The following BANP variants were observed in gnomAD, a reference collection of about 807,000 sequenced individuals.
BANP encodes the protein BTG3 associated nuclear protein.
In BANP, 11 loss-of-function variants were observed where a neutral mutation model predicts 68.1. That is an observed-to-expected ratio of 0.16 (90% CI 0.10 to 0.27). The LOEUF is 0.27. BANP is among the 10% of genes least tolerant of loss of function. BANP has a pLI of 1.00. For synonymous variants in BANP, 329 were observed against 303.2 expected (o/e 1.09, Z -0.88); for missense variants, 504 against 722.7 (o/e 0.70, Z 3.47).
chr16:87,994,889 A>G (rs1362308529), intron 4 of BANP, among the ~76,000 whole-genome samples: 1 of 152,250 alleles, frequency 6.6e-6, no homozygotes, highest in African/African-American at 2.4e-5. Context: ...CCATGGCAGT[A>G]GAGGGTCCCC....
chr16:87,955,104 C>T lies in BANP; in HGVS notation c.-69+3589C>T, dbSNP rs150877597. Among the ~76,000 whole-genome samples, 9 of 152,302 alleles carry T rather than the reference C, an allele frequency of 5.9e-5. No homozygotes were observed. The East Asian group carries it at 1.4e-3, about 23-fold the overall frequency. On this transcript the variant is annotated intron_variant, in intron 1 of 13. Transcript: ENST00000682872. ...CTCCTCGCTGGGTCAGTGTGCCAAGCGGGCCGTCTGCCCTGCTGGGGTCCA... is the reference window on the plus strand; with the variant it reads ...CTCCTCGCTGGGTCAGTGTGCCAAGTGGGCCGTCTGCCCTGCTGGGGTCCA...
chr16:88,021,305 G>A (rs137981478), intron 7 of BANP, among the ~76,000 whole-genome samples: 385 of 152,296 alleles, frequency 2.5e-3, no homozygotes, highest in African/African-American at 8.7e-3. Flanking sequence ...CGCTAGCACC[G>A]TCATTCTGCT....
At chr16:88,073,202 C>T (rs556491837) in intron 13 of BANP, among the ~76,000 whole-genome samples, 1 of 152,356 alleles carries the variant, frequency 6.6e-6, no homozygotes, top group East Asian at 1.9e-4. Context: ...GTGCGCAGGT[C>T]GCCAGGCTGG....
intron 13 of BANP, among the ~76,000 whole-genome samples, chr16:88,076,129 T>C (rs1313123927): frequency 2.0e-5 from 3 of 152,352 alleles, no homozygotes; most frequent in Non-Finnish European, 4.4e-5. Context: ...AGAACCTGTA[T>C]CTTTGAGGGA....
chr16:87,977,111 T>C (rs1319402929), intron 2 of BANP, among the ~76,000 whole-genome samples: 1 of 149,830 alleles, frequency 6.7e-6, no homozygotes, highest in Non-Finnish European at 1.5e-5. Flanking sequence ...TTCTTGAGTA[T>C]TTGTTAAAAG....
chr16:88,065,123 T>G, intron 11 of BANP, 144 bp from the exon 12 acceptor site: 1 of 524,088 alleles, frequency 1.9e-6, no homozygotes, highest in Non-Finnish European at 3.4e-6. Context: ...TGGAGGCTCC[T>G]GTGGCTGCCA....
At chr16:88,032,564 G>A (rs144271349) in intron 8 of BANP, among the ~76,000 whole-genome samples, 3,347 of 152,256 alleles carry the variant, frequency 0.022, 124 homozygotes, top group African/African-American at 0.077. Context: ...ACAAAACTAC[G>A]TGTATACATT....
At chr16:87,982,056 A>C (rs2146090161) in intron 3 of BANP, among the ~76,000 whole-genome samples, 1 of 152,384 alleles carries the variant, frequency 6.6e-6, no homozygotes, top group East Asian at 1.9e-4. Context: ...GTAAATGTGT[A>C]CGAAAAACTT....
At chr16:87,961,313 G>A (rs531251242) in intron 1 of BANP, among the ~76,000 whole-genome samples, 13 of 151,782 alleles carry the variant, frequency 8.6e-5, no homozygotes, top group Non-Finnish European at 1.5e-4. Flanking sequence ...TCCTTGTAAG[G>A]CTGCATTTTA....
chr16:88,022,266 C>T (rs1598529874), intron 7 of BANP, among the ~76,000 whole-genome samples: 1 of 152,188 alleles, frequency 6.6e-6, no homozygotes, highest in Non-Finnish European at 1.5e-5. Context: ...ACTCTGCATC[C>T]AAGCCGGTGA....
At chr16:87,972,600 G>C (rs1205516043) in intron 1 of BANP, among the ~76,000 whole-genome samples, 4 of 152,172 alleles carry the variant, frequency 2.6e-5, no homozygotes. Flanking sequence ...TTTTCTGAAT[G>C]CTCAGAAGGG....
Position 88,071,780 on chromosome 16 carries a change from C to G in BANP, c.1378-289C>G, listed in dbSNP as rs1465402131. On this transcript the variant is annotated intron_variant, in intron 12 of 13. Coordinates refer to ENST00000682872, the MANE Select transcript of BANP (RefSeq NM_001386991.1). The surrounding 1 kb of genome is among the most constrained non-coding windows in gnomAD (Gnocchi z 6.5). Reference sequence around the variant, plus strand: ...GTTGCTCTCTTTTTCTGTGGAAGCTCTGCCTTGCTTTTTTTTTTTTCCCTT... The same window carrying G: ...GTTGCTCTCTTTTTCTGTGGAAGCTGTGCCTTGCTTTTTTTTTTTTCCCTT... The G allele has an allele frequency of 1.5e-6, 1 of 651,292 alleles. No individual in the cohort carries two copies. Among genetic ancestry groups the G allele is most frequent in the Admixed American group, 2.1e-5 (1 of 48,144 alleles). 40.3% of individuals were successfully genotyped at this position (651,292 alleles called of 1,614,324 possible). A position where few individuals can be genotyped will look rare whatever the true frequency, so the allele number is the denominator to read the frequency against.
chr16:88,016,626 T>A (rs1318182905), intron 6 of BANP, among the ~76,000 whole-genome samples: 1 of 152,250 alleles, frequency 6.6e-6, no homozygotes, highest in Non-Finnish European at 1.5e-5. Context: ...ATTCGTAGAA[T>A]CCCCGGAAGC....
chr16:87,983,956 A>T, intron 3 of BANP, 104 bp from the exon 4 acceptor site: 1 of 1,423,378 alleles, frequency 7.0e-7, no homozygotes, highest in Admixed American at 2.4e-5. Context: ...GTTCTGTCTG[A>T]ATAGATAGAG....
At position 87,984,267 on chromosome 16, in the gene BANP, C is replaced by T; in HGVS notation, c.362+8C>T. On this transcript the variant is annotated splice_region_variant and intron_variant, in intron 4 of 13. Coordinates refer to ENST00000682872, the MANE Select transcript of BANP (RefSeq NM_001386991.1). ...GTGCAACAAAGTGCGATGGTAAGAA[C>T]AGACCAGGGTGCCGGGGCCTTCAGG... The T allele has an allele frequency of 1.3e-6, 2 of 1,568,052 alleles. No homozygotes were observed. Among genetic ancestry groups the T allele is most frequent in the Non-Finnish European group, 1.7e-6 (2 of 1,155,518 alleles).
chr16:87,971,148 A>G (rs11645701), intron 1 of BANP, among the ~76,000 whole-genome samples: 53,044 of 152,066 alleles, frequency 0.35, 10,506 homozygotes, highest in Non-Finnish European at 0.47. Flanking sequence ...CATTGTGAAC[A>G]TTGTAACATT....
At position 87,971,855 on chromosome 16, in the gene BANP, C is replaced by T. The variant is rs190671226; in HGVS notation, c.-68-3193C>T. 1.2e-4 allele frequency among the ~76,000 whole-genome samples: 18 copies of T among 152,136 alleles called. No individual in the cohort carries two copies. The East Asian group carries it at 2.1e-3, about 18-fold the overall frequency. Reference sequence around the variant, plus strand: ...TTGTCCAGGGTGGAGTGTAGTGGTGCGATCACAGCTTGCCACAGCCTTGCC... The same window carrying T: ...TTGTCCAGGGTGGAGTGTAGTGGTGTGATCACAGCTTGCCACAGCCTTGCC... On this transcript the variant is annotated intron_variant, in intron 1 of 13. Transcript: ENST00000682872.
intron 12 of BANP, among the ~76,000 whole-genome samples, chr16:88,069,640 C>T (rs3923299): frequency 2.5e-3 from 378 of 152,318 alleles, no homozygotes; most frequent in African/African-American, 8.3e-3. Context: ...TAACCCCACC[C>T]AGGTCTCAGT....
intron 6 of BANP, among the ~76,000 whole-genome samples, chr16:88,015,742 G>T (rs1253998354): frequency 6.6e-6 from 1 of 152,264 alleles, no homozygotes; most frequent in African/African-American, 2.4e-5. Flanking sequence ...GGCAGCTGCC[G>T]CAGGGACTCA....
Sources: allele counts gnomAD v4.1 joint callset (sites outside exome capture counted in the v4.1 genomes callset), GRCh38; gene constraint gnomAD v4.1.1; non-coding constraint Gnocchi (gnomAD v3.1); transcripts MANE v1.5; gene names NCBI Gene and HGNC (gene_info 2026-07-23, HGNC 2026-07-21).